Variants in FHIT observed in about 807,000 individuals in gnomAD.
The protein encoded by FHIT is bis(5'-adenosyl)-triphosphatase.
In FHIT, 19 loss-of-function variants were observed where a neutral mutation model predicts 17.9. That is an observed-to-expected ratio of 1.06 (90% CI 0.74 to 1.56). FHIT has a LOEUF of 1.56. Among genes scored for constraint, FHIT ranks in the 40% most tolerant of loss-of-function variants. The pLI, the probability that FHIT is intolerant of heterozygous loss-of-function variation, is 0.00. For missense variants in FHIT, 248 were observed against 189.2 expected, an observed-to-expected ratio of 1.31 and a Z score of -1.82; for synonymous variants, 81 against 69.7, an observed-to-expected ratio of 1.16 and a Z score of -0.81.
At chr3:60,362,018 A>C (rs1699925444) in intron 5 of FHIT, among the ~76,000 whole-genome samples, 1 of 152,150 alleles carries the variant, frequency 6.6e-6, no homozygotes. Flanking sequence ...AACTGTGCAC[A>C]CATCTTCTGC....
chr3:60,941,959 T>G (rs114427951), intron 3 of FHIT, among the ~76,000 whole-genome samples: 1 of 152,194 alleles, frequency 6.6e-6, no homozygotes. Flanking sequence ...TTTCCTATAC[T>G]GCACTTACCA....
intron 4 of FHIT, among the ~76,000 whole-genome samples, chr3:60,769,519 T>C (rs1173933123): frequency 6.6e-6 from 1 of 152,190 alleles, no homozygotes; most frequent in Non-Finnish European, 1.5e-5. Context: ...GGACTTTAAT[T>C]GAGCAATGAA....
chr3:60,883,816 G>C (rs548629955), intron 3 of FHIT, among the ~76,000 whole-genome samples: 19 of 152,080 alleles, frequency 1.2e-4, no homozygotes, highest in Non-Finnish European at 2.4e-4. Context: ...AGATTTTTTG[G>C]ATAAGACCTC....
intron 4 of FHIT, among the ~76,000 whole-genome samples, chr3:60,781,898 T>C (rs1265764076): frequency 6.6e-6 from 1 of 152,178 alleles, no homozygotes; most frequent in Non-Finnish European, 1.5e-5. Context: ...GATACTATGA[T>C]ATATGTATAC....
intron 5 of FHIT, among the ~76,000 whole-genome samples, chr3:60,292,900 C>G (rs547309458): frequency 2.0e-5 from 3 of 152,214 alleles, no homozygotes; most frequent in African/African-American, 7.2e-5. Context: ...AAAACATTCA[C>G]CAAACTAGAA....
chr3:60,580,430 G>T (rs2037714576), intron 4 of FHIT, among the ~76,000 whole-genome samples: 1 of 152,064 alleles, frequency 6.6e-6, no homozygotes, highest in East Asian at 1.9e-4. Context: ...TATGATGATA[G>T]GAATTACTAC....
chr3:60,187,586 A>G (rs169916), intron 5 of FHIT, among the ~76,000 whole-genome samples: 2 of 152,162 alleles, frequency 1.3e-5, no homozygotes, highest in Non-Finnish European at 2.9e-5. Context: ...ATTCTGCTGA[A>G]TCACCAGCCC....
intron 5 of FHIT, among the ~76,000 whole-genome samples, chr3:60,225,289 G>A (rs1704145098): frequency 1.3e-5 from 2 of 152,094 alleles, no homozygotes; most frequent in South Asian, 4.1e-4. Context: ...CTGACCAACT[G>A]AACTCAATAT....
At chr3:60,578,440 A>AACACACAC (rs71748891) in intron 4 of FHIT, among the ~76,000 whole-genome samples, 10,560 of 144,270 alleles carry the variant, frequency 0.073, 534 homozygotes, top group African/African-American at 0.14. Flanking sequence ...CCATCTACAA[A>AACACACAC]ACACACACAC....
intron 5 of FHIT, among the ~76,000 whole-genome samples, chr3:60,118,306 G>A (rs1705073508): frequency 6.7e-6 from 1 of 149,458 alleles, no homozygotes; most frequent in African/African-American, 2.5e-5. Flanking sequence ...TGTAGAGACA[G>A]GGTCTTTTCC....
intron 4 of FHIT, among the ~76,000 whole-genome samples, chr3:60,569,454 A>C (rs1168785816): frequency 1.3e-5 from 2 of 152,008 alleles, no homozygotes; most frequent in Non-Finnish European, 1.5e-5. Flanking sequence ...TGACATGTGA[A>C]TAGATGTAAG....
At chr3:60,465,260 T>C (rs763771100) in intron 5 of FHIT, among the ~76,000 whole-genome samples, 76 of 152,128 alleles carry the variant, frequency 5.0e-4, no homozygotes, top group Non-Finnish European at 9.7e-4. Flanking sequence ...TCCTTATATA[T>C]TTTGGTTATT....
intron 4 of FHIT, among the ~76,000 whole-genome samples, chr3:60,789,152 G>A (rs1473315100): frequency 1.4e-4 from 14 of 97,000 alleles, no homozygotes; most frequent in African/African-American, 2.5e-4. Context: ...ATGTGTGTGT[G>A]TGTGTATATA....
chr3:60,476,047 G>C (rs1405465009), intron 5 of FHIT, among the ~76,000 whole-genome samples: 2 of 152,124 alleles, frequency 1.3e-5, no homozygotes, highest in Non-Finnish European at 2.9e-5. Context: ...GGTTTTTATA[G>C]TAACTGTGAC....
chr3:60,469,476 C>T (rs1157914168), intron 5 of FHIT, among the ~76,000 whole-genome samples: 2 of 152,174 alleles, frequency 1.3e-5, no homozygotes, highest in Non-Finnish European at 2.9e-5. Flanking sequence ...CTGCATTTTT[C>T]AGCTCCAGAA....
intron 3 of FHIT, among the ~76,000 whole-genome samples, chr3:60,983,882 G>T (rs1004146814): frequency 2.6e-5 from 4 of 152,072 alleles, no homozygotes; most frequent in African/African-American, 9.7e-5. Context: ...GCTGTAATCA[G>T]CCACTACATC....
intron 2 of FHIT, among the ~76,000 whole-genome samples, chr3:61,070,180 C>T (rs112181015): frequency 6.6e-6 from 1 of 152,170 alleles, no homozygotes; most frequent in African/African-American, 2.4e-5. Context: ...AGGCATGAGC[C>T]GTCGTTCCTG....
intron 1 of FHIT, among the ~76,000 whole-genome samples, chr3:61,205,318 A>C (rs2039186507): frequency 6.6e-6 from 1 of 152,024 alleles, no homozygotes. Context: ...ATGATTTATA[A>C]TCCTTTTAGT....
chr3:60,780,262 T>C (rs1700339447), intron 4 of FHIT, among the ~76,000 whole-genome samples: 1 of 152,138 alleles, frequency 6.6e-6, no homozygotes, highest in African/African-American at 2.4e-5. Flanking sequence ...CTCTCTTCAC[T>C]AATAGGTAAT....
Sources: allele counts gnomAD v4.1 joint callset (sites outside exome capture counted in the v4.1 genomes callset), GRCh38; gene constraint gnomAD v4.1.1; transcripts MANE v1.5; gene names NCBI Gene and HGNC (gene_info 2026-07-23, HGNC 2026-07-21).